Variants in HOMER2 observed in about 807,000 individuals in gnomAD.
The protein encoded by HOMER2 is homer scaffold protein 2, also known as homer protein homolog 2.
A neutral mutation model predicts 47.0 loss-of-function variants in HOMER2; 27 were observed. The observed-to-expected ratio is 0.57, with a 90% CI of 0.42 to 0.79. The LOEUF (loss-of-function observed/expected upper bound fraction) is 0.79. HOMER2 is among the 30% of genes least tolerant of loss of function. The pLI is 0.00. For missense variants in HOMER2, 443 were observed against 435.0 expected, an observed-to-expected ratio of 1.02 and a Z score of -0.16; for synonymous variants, 161 against 163.8, an observed-to-expected ratio of 0.98 and a Z score of 0.13.
At chr15:82,839,709 TAGG>T (rs2051157486) in exon 2 of HOMER2, 1 of 152,126 alleles carries the variant, frequency 6.6e-6, no homozygotes, top group Non-Finnish European at 1.5e-5. Context: ...AATACAATAA[TAGG>T]AGACGAACAT....
intron 2 of HOMER2, among the ~76,000 whole-genome samples, chr15:82,881,746 GA>G (rs2052528420): frequency 6.6e-6 from 1 of 152,286 alleles, no homozygotes; most frequent in Admixed American, 6.5e-5. Flanking sequence ...GATATCCTCT[GA>G]ACCATCACAA....
intron 1 of HOMER2, among the ~76,000 whole-genome samples, chr15:82,949,143 C>A (rs1452542932): frequency 6.6e-6 from 1 of 152,140 alleles, no homozygotes; most frequent in Non-Finnish European, 1.5e-5. Flanking sequence ...AGACGGAAGG[C>A]AGGTGAGAGC....
intron 1 of HOMER2, among the ~76,000 whole-genome samples, chr15:82,903,895 G>A (rs1298833577): frequency 6.6e-6 from 1 of 152,218 alleles, no homozygotes; most frequent in Non-Finnish European, 1.5e-5. Flanking sequence ...CCAACACTTT[G>A]GGAGGCCAAG....
chr15:82,868,132 C>A (rs2052038329), intron 3 of HOMER2, among the ~76,000 whole-genome samples: 1 of 151,940 alleles, frequency 6.6e-6, no homozygotes, highest in East Asian at 1.9e-4. Flanking sequence ...TGTATGTCTT[C>A]TTTTGAAAAG....
chr15:82,983,980 G>A (rs928427598), intron 1 of HOMER2, among the ~76,000 whole-genome samples: 2 of 151,572 alleles, frequency 1.3e-5, no homozygotes, highest in Non-Finnish European at 2.9e-5. Flanking sequence ...ACTATAGCGC[G>A]CTAACCAATT....
intron 1 of HOMER2, among the ~76,000 whole-genome samples, chr15:82,900,904 C>T (rs1444821489): frequency 6.6e-6 from 1 of 152,216 alleles, no homozygotes; most frequent in Non-Finnish European, 1.5e-5. Flanking sequence ...AAATACTTGT[C>T]ACAAATCCTC....
Position 82,854,814 on chromosome 15 carries a change from A to T in HOMER2, c.495-14T>A, listed in dbSNP as rs199975432. On this transcript the variant is annotated splice_polypyrimidine_tract_variant and intron_variant, in intron 5 of 8. Coordinates refer to ENST00000450735, the MANE Select transcript of HOMER2 (RefSeq NM_004839.4). The stretch of plus-strand genomic sequence containing the variant: ...ACGTTGGCTGCGCTGCAGGACAGGG[A>T]CGGGCGGTGACGACGGGGTGGGTGC... 256 of 1,602,016 alleles carry T rather than the reference A, an allele frequency of 1.6e-4. No individual in the cohort carries two copies. The African/African-American group carries it at 3.1e-3, about 20-fold the overall frequency.
chr15:82,835,359 C>CG (rs2051114520), downstream of HOMER2: 1 of 152,446 alleles, frequency 6.6e-6, no homozygotes, highest in Admixed American at 6.5e-5. Flanking sequence ...CTCTTGACCT[C>CG]GTGATCCTCC....
At chr15:82,855,815 G>A (rs2051567130) in intron 5 of HOMER2, among the ~76,000 whole-genome samples, 1 of 152,178 alleles carries the variant, frequency 6.6e-6, no homozygotes, top group Non-Finnish European at 1.5e-5. Flanking sequence ...TGGTGAGGAG[G>A]ACGTTTAAAA....
chr15:82,951,381 C>T (rs536625609), intron 1 of HOMER2, among the ~76,000 whole-genome samples: 1 of 152,296 alleles, frequency 6.6e-6, no homozygotes, highest in South Asian at 2.1e-4. Flanking sequence ...CTAAGACTCA[C>T]CAGGCAAAAT....
chr15:82,967,091 A>T (rs118135023), intron 1 of HOMER2, among the ~76,000 whole-genome samples: 1,645 of 152,210 alleles, frequency 0.011, 9 homozygotes, highest in Non-Finnish European at 0.016. Flanking sequence ...CTCTACAAAA[A>T]TAAAAATTAG....
Position 82,849,889 on chromosome 15 carries a change from G to C in HOMER2, c.858C>G (p.Asp286Glu), listed in dbSNP as rs1043199731. The change falls in exon 9 of 9, where the codon GAC becomes GAG. Residue 286 changes from aspartate to glutamate, a missense_variant. Transcript: ENST00000450735. The stretch of plus-strand genomic sequence containing the variant: ...GCACTTTGTCTTCCAGGTTTTGATT[G>C]TCTCTCTCTGCCGCCTGGCCAAGCA... ...VSEKLEAAER[D>E]NQNLEDKVRS... The C allele has an allele frequency of 1.9e-6, 3 of 1,613,648 alleles. No individual in the cohort carries two copies. Among genetic ancestry groups the C allele is most frequent in the African/African-American group, 1.3e-5 (1 of 74,936 alleles).
At chr15:82,950,663 G>A (rs1036939698) in intron 1 of HOMER2, among the ~76,000 whole-genome samples, 4 of 152,184 alleles carry the variant, frequency 2.6e-5, no homozygotes, top group African/African-American at 9.7e-5. Context: ...AGGTAGGTAG[G>A]AGTTACAAAC....
At chr15:82,895,891 C>T (rs1416174663) in intron 1 of HOMER2, among the ~76,000 whole-genome samples, 1 of 152,178 alleles carries the variant, frequency 6.6e-6, no homozygotes, top group Non-Finnish European at 1.5e-5. Context: ...CCAAGGGGCT[C>T]CATTTTTAAG....
intron 1 of HOMER2, among the ~76,000 whole-genome samples, chr15:82,945,956 T>C (rs1436976480): frequency 2.0e-5 from 3 of 150,378 alleles, no homozygotes; most frequent in East Asian, 2.0e-4. Context: ...GGCAACAGAG[T>C]GAGACTCTGT....
intron 1 of HOMER2, among the ~76,000 whole-genome samples, chr15:82,971,246 G>C (rs1382445772): frequency 6.6e-6 from 1 of 152,122 alleles, no homozygotes; most frequent in African/African-American, 2.4e-5. Context: ...TAAAATTATG[G>C]GGGGTAGGGA....
At chr15:82,970,487 T>TA (rs2029947129) in intron 1 of HOMER2, among the ~76,000 whole-genome samples, 1 of 152,248 alleles carries the variant, frequency 6.6e-6, no homozygotes, top group Non-Finnish European at 1.5e-5. Flanking sequence ...ATTCTTTTTT[T>TA]ATCTTTGGTT....
chr15:82,848,776 C>T (rs771211458), downstream of HOMER2, among the ~76,000 whole-genome samples: 4 of 152,206 alleles, frequency 2.6e-5, no homozygotes, highest in Non-Finnish European at 5.9e-5. Context: ...CAGAGCATCA[C>T]GGATGGGCTC....
At chr15:82,939,700 G>A (rs2054220862) in intron 1 of HOMER2, among the ~76,000 whole-genome samples, 2 of 152,030 alleles carry the variant, frequency 1.3e-5, no homozygotes, top group Non-Finnish European at 2.9e-5. Context: ...CATGAATTTT[G>A]CTCTCAGATA....
Sources: gnomAD v4.1 joint callset for allele counts (sites outside exome capture counted in the v4.1 genomes callset) on GRCh38, gnomAD v4.1.1 for gene constraint, MANE v1.5 for transcripts, NCBI Gene and HGNC (gene_info 2026-07-23, HGNC 2026-07-21) for gene names.